Variants in GALNTL6 observed in about 807,000 individuals in gnomAD.
GALNTL6 encodes the protein polypeptide N-acetylgalactosaminyltransferase-like 6.
A neutral mutation model predicts 73.7 loss-of-function variants in GALNTL6; 46 were observed. The ratio of observed to expected loss-of-function variants is 0.62; its 90% CI spans 0.49 to 0.80. The LOEUF (loss-of-function observed/expected upper bound fraction) is 0.80, where lower values mean the gene tolerates loss of function less well. GALNTL6 is among the 30% of genes least tolerant of loss of function. The pLI is 0.00. For missense variants in GALNTL6, 604 were observed against 755.0 expected (o/e 0.80, Z 2.34); for synonymous variants, 259 against 263.7 (o/e 0.98, Z 0.17).
At chr4:172,939,605 C>T (rs943903026) in intron 9 of GALNTL6, among the ~76,000 whole-genome samples, 8 of 152,192 alleles carry the variant, frequency 5.3e-5, no homozygotes, top group African/African-American at 1.4e-4. Flanking sequence ...CAGCATGCTA[C>T]ATATCCTAAG....
chr4:172,935,454 G>A (rs542168372), intron 9 of GALNTL6, among the ~76,000 whole-genome samples: 3 of 152,120 alleles, frequency 2.0e-5, no homozygotes, highest in East Asian at 3.9e-4. Context: ...AGGAGATAGA[G>A]ATACCAAAAA....
intron 2 of GALNTL6, among the ~76,000 whole-genome samples, chr4:171,912,178 G>A (rs530293381): frequency 6.6e-6 from 1 of 152,220 alleles, no homozygotes; most frequent in African/African-American, 2.4e-5. Flanking sequence ...CTGCTAAGAT[G>A]CTAAAGTAGA....
intron 2 of GALNTL6, among the ~76,000 whole-genome samples, chr4:172,108,660 C>G (rs532417128): frequency 6.6e-6 from 1 of 152,016 alleles, no homozygotes; most frequent in Non-Finnish European, 1.5e-5. Context: ...GTGGTTCGAT[C>G]AAGTTGACAC....
At chr4:172,066,004 C>T (rs1731350819) in intron 2 of GALNTL6, among the ~76,000 whole-genome samples, 1 of 152,156 alleles carries the variant, frequency 6.6e-6, no homozygotes, top group Non-Finnish European at 1.5e-5. Context: ...TGGGTGGGGA[C>T]ACAGAGCCAA....
chr4:172,245,834 A>G (rs577980171), intron 3 of GALNTL6, among the ~76,000 whole-genome samples: 2 of 152,142 alleles, frequency 1.3e-5, no homozygotes, highest in South Asian at 2.1e-4. Context: ...TGATGGCAAC[A>G]CTTTCCAGAG....
intron 2 of GALNTL6, among the ~76,000 whole-genome samples, chr4:171,988,695 A>G (rs998522376): frequency 6.6e-6 from 1 of 152,190 alleles, no homozygotes; most frequent in African/African-American, 2.4e-5. Context: ...AGGAGAGTGT[A>G]TAGGCTTTAA....
rs1480681956 is a variant in GALNTL6 at position 171,907,682 on chromosome 4, G to A, written c.138+92964G>A. Among the ~76,000 whole-genome samples, 963 of 150,490 alleles carry A rather than the reference G, an allele frequency of 6.4e-3. 34 individuals carry two copies. Among genetic ancestry groups the A allele is most frequent in the African/African-American group, 0.02 (794 of 39,936 alleles). ...ATGGAACCAAAAAAGAGCCCACATC[G>A]CCAAGTCAATCCTAAGCCAAAAGAA... On this transcript the variant is annotated intron_variant, in intron 2 of 12. Coordinates refer to ENST00000506823, the MANE Select transcript of GALNTL6 (RefSeq NM_001034845.3).
rs369736327 is a variant in GALNTL6, at chr4:173,028,067, TA to T, written c.1638+6443del. Among the ~76,000 whole-genome samples the T allele has an allele frequency of 4.7e-3, 719 of 152,306 alleles. 9 individuals carry two copies. The highest frequency in any genetic ancestry group is 0.017 in the African/African-American group (691 of 41,576). ...ATCATGTTCAAGGATTATGTCTCAA[TA>T]TTGTGAAGATGTCAGTTTTTAAATG... On this transcript the variant is annotated intron_variant, in intron 12 of 12. Transcript: ENST00000506823.
intron 5 of GALNTL6, among the ~76,000 whole-genome samples, chr4:172,369,678 G>A (rs1299813656): frequency 2.0e-5 from 3 of 152,194 alleles, no homozygotes; most frequent in Non-Finnish European, 2.9e-5. Flanking sequence ...GCAGTGCTGG[G>A]TTACCTGGTG....
chr4:173,035,167 C>A (rs1205448574), intron 12 of GALNTL6, among the ~76,000 whole-genome samples: 1 of 148,842 alleles, frequency 6.7e-6, no homozygotes, highest in Non-Finnish European at 1.5e-5. Flanking sequence ...CATATGTATA[C>A]ATGTGCCATG....
At chr4:172,291,502 C>T (rs993667669) in intron 3 of GALNTL6, among the ~76,000 whole-genome samples, 1 of 152,050 alleles carries the variant, frequency 6.6e-6, no homozygotes, top group African/African-American at 2.4e-5. Flanking sequence ...AAAATCATAT[C>T]TGAATGCACC....
At chr4:172,314,026 TA>T (rs1314800132) in intron 4 of GALNTL6, among the ~76,000 whole-genome samples, 6 of 152,222 alleles carry the variant, frequency 3.9e-5, no homozygotes, top group Non-Finnish European at 7.3e-5. Flanking sequence ...TTTAAAGTAC[TA>T]TGCTTTTGAC....
chr4:172,825,078 T>TTTC (rs1443554939), intron 7 of GALNTL6, among the ~76,000 whole-genome samples: 3 of 105,636 alleles, frequency 2.8e-5, no homozygotes, highest in Non-Finnish European at 5.7e-5. Context: ...TTTGGTTATC[T>TTTC]TTTCTTTCTT....
chr4:172,829,535 A>G (rs1389577320), intron 7 of GALNTL6, among the ~76,000 whole-genome samples: 1 of 152,232 alleles, frequency 6.6e-6, no homozygotes, highest in Admixed American at 6.5e-5. Flanking sequence ...TCTTGCCTCT[A>G]GAAGGAGAAA....
In GALNTL6 at chr4:172,840,528, C is replaced by G. The variant is rs187381560; in HGVS notation, c.923+26805C>G. ...GACCACCATCCTGCTCACCATTCAT[C>G]CATTCATTTGTTGACTCACACACCA... On this transcript the variant is annotated intron_variant, in intron 7 of 12. Transcript: ENST00000506823. Among the ~76,000 whole-genome samples, 168 of 152,322 alleles carry G rather than the reference C, an allele frequency of 1.1e-3. No individual in the cohort carries two copies. In the Middle Eastern group the frequency reaches 0.014, roughly 12 times the overall value.
chr4:172,764,871 GC>G (rs780585456), intron 5 of GALNTL6, among the ~76,000 whole-genome samples: 1 of 152,202 alleles, frequency 6.6e-6, no homozygotes, highest in South Asian at 2.1e-4. Context: ...CACAAGACCT[GC>G]ATAGTTATCT....
At chr4:172,656,704 C>T (rs185106677) in intron 5 of GALNTL6, among the ~76,000 whole-genome samples, 1 of 152,316 alleles carries the variant, frequency 6.6e-6, no homozygotes, top group Admixed American at 6.5e-5. Flanking sequence ...TAAGAGATGG[C>T]TGAAGGTCAA....
intron 2 of GALNTL6, among the ~76,000 whole-genome samples, chr4:172,225,357 C>A (rs1344551203): frequency 2.6e-5 from 4 of 151,548 alleles, no homozygotes; most frequent in Non-Finnish European, 5.9e-5. Context: ...TGGTCATCAG[C>A]CCTCAATATG....
chr4:172,400,803 C>A (rs1357051662), intron 5 of GALNTL6, among the ~76,000 whole-genome samples: 1 of 152,032 alleles, frequency 6.6e-6, no homozygotes, highest in Non-Finnish European at 1.5e-5. Flanking sequence ...TATTTCCAGA[C>A]GAGCCTCCAC....
Sources: allele counts gnomAD v4.1 joint callset (sites outside exome capture counted in the v4.1 genomes callset), GRCh38; gene constraint gnomAD v4.1.1; transcripts MANE v1.5; gene names NCBI Gene and HGNC (gene_info 2026-07-23, HGNC 2026-07-21).